ASPH: variants seen among roughly 807,000 people sequenced by gnomAD.
ASPH encodes the protein aspartate beta-hydroxylase, also known as aspartyl/asparaginyl beta-hydroxylase.
ASPH carries 100 observed loss-of-function variants against 118.4 expected under a neutral mutation model. That is an observed-to-expected ratio of 0.84 (90% confidence interval 0.72 to 1.00). The LOEUF is 1.00. Ranked by LOEUF, ASPH falls within the 50% of genes least tolerant of loss-of-function variation. ASPH has a pLI of 0.00. For missense variants in ASPH, 920 were observed against 919.5 expected (o/e 1.00, Z -0.01); for synonymous variants, 315 against 325.6 (o/e 0.97, Z 0.35).
Position 61,714,336 on chromosome 8 carries a change from G to GTTGCCGCTGCTC in ASPH, c.24_35dup (p.Lys8_Gly11dup), listed in dbSNP as rs746367911. 9.2e-6 allele frequency: 14 copies of GTTGCCGCTGCTC among 1,518,306 alleles called. No homozygotes were observed. The South Asian group carries it at 1.6e-4, about 17-fold the overall frequency. The allele number at this position is 1,518,306 out of a possible 1,614,324, so 94.1% of individuals were successfully genotyped here. ...CGCTGCCGGAGCCGCTGCTGCTGCT[G>GTTGCCGCTGCTC]TTGCCGCTGCTCTTGGCATTCTTAC... On this transcript the variant is annotated inframe_insertion, in exon 1 of 25. Transcript: ENST00000379454.
At chr8:61,556,751 T>C (rs1325531351) in intron 18 of ASPH, among the ~76,000 whole-genome samples, 2 of 152,198 alleles carry the variant, frequency 1.3e-5, no homozygotes, top group Non-Finnish European at 2.9e-5. Flanking sequence ...CAAACTAATT[T>C]ATGGAACAAA....
intron 17 of ASPH, among the ~76,000 whole-genome samples, chr8:61,563,582 GGA>G (rs991887074): frequency 4.1e-4 from 62 of 152,242 alleles, no homozygotes; most frequent in African/African-American, 1.4e-3. Context: ...CCACAATCTA[GGA>G]GAGTGATGGG....
chr8:61,707,367 T>C (rs1836949330), intron 1 of ASPH, among the ~76,000 whole-genome samples: 1 of 152,138 alleles, frequency 6.6e-6, no homozygotes, highest in Non-Finnish European at 1.5e-5. Context: ...TCACTAGTAA[T>C]TAGAAAAATG....
intron 3 of ASPH, among the ~76,000 whole-genome samples, chr8:61,669,643 G>A (rs1302975858): frequency 3.9e-5 from 6 of 152,062 alleles, no homozygotes; most frequent in Admixed American, 6.6e-5. Context: ...TTTTAAATAT[G>A]AGTAGTATCT....
intron 22 of ASPH, among the ~76,000 whole-genome samples, chr8:61,520,901 G>C (rs377307828): frequency 1.3e-5 from 2 of 152,232 alleles, no homozygotes; most frequent in East Asian, 3.8e-4. Flanking sequence ...TTGTGTCCCT[G>C]AGATTTTCAA....
intron 1 of ASPH, among the ~76,000 whole-genome samples, chr8:61,710,947 A>C (rs1837922122): frequency 6.6e-6 from 1 of 152,190 alleles, no homozygotes; most frequent in African/African-American, 2.4e-5. Context: ...GCAGTACAGG[A>C]ATATATTTCA....
intron 13 of ASPH, among the ~76,000 whole-genome samples, chr8:61,630,424 A>G (rs1855056244): frequency 6.6e-6 from 1 of 152,222 alleles, no homozygotes; most frequent in African/African-American, 2.4e-5. Flanking sequence ...GCACAAGTGA[A>G]TAATAAAAAA....
At chr8:61,628,699 C>T (rs961036826) in intron 13 of ASPH, among the ~76,000 whole-genome samples, 1 of 152,148 alleles carries the variant, frequency 6.6e-6, no homozygotes, top group African/African-American at 2.4e-5. Flanking sequence ...TGTCCCACCC[C>T]TCTGAAGCTG....
chr8:61,579,350 G>A (rs1836595852), intron 15 of ASPH: 3 of 1,614,172 alleles, frequency 1.9e-6, no homozygotes, highest in Non-Finnish European at 2.5e-6. Flanking sequence ...ACCAGGAGCT[G>A]ATGAACGTCA....
chr8:61,669,015 T>C (rs935144403), intron 3 of ASPH, among the ~76,000 whole-genome samples: 1 of 152,216 alleles, frequency 6.6e-6, no homozygotes, highest in African/African-American at 2.4e-5. Context: ...ATGCTATGTA[T>C]TGGCAAACTT....
rs561627923 is a variant in ASPH, at chr8:61,500,660, A to C, written c.*2699T>G. On this transcript the variant is annotated 3_prime_UTR_variant, in exon 25 of 25. Coordinates refer to ENST00000379454, the MANE Select transcript of ASPH (RefSeq NM_004318.4). ...ATAAAATAAACAGACATCATATATGATATCCTTACTTGTGCCATGTTTTCC... is the reference window on the plus strand; with the variant it reads ...ATAAAATAAACAGACATCATATATGCTATCCTTACTTGTGCCATGTTTTCC... 95 of 152,280 alleles carry C rather than the reference A, an allele frequency of 6.2e-4. No individual in the cohort carries two copies. The highest frequency in any genetic ancestry group is 2.2e-3 in the African/African-American group (92 of 41,534). 9.4% of individuals were successfully genotyped at this position (152,280 alleles called of 1,614,324 possible).
intron 24 of ASPH, among the ~76,000 whole-genome samples, chr8:61,505,186 T>G (rs542080239): frequency 6.6e-6 from 1 of 152,250 alleles, no homozygotes; most frequent in Non-Finnish European, 1.5e-5. Flanking sequence ...TATTTTCTCT[T>G]GCCGCCACCA....
At chr8:61,656,939 T>G (rs1361323056) in intron 3 of ASPH, 1 of 152,254 alleles carries the variant, frequency 6.6e-6, no homozygotes, top group African/African-American at 2.4e-5. Context: ...ACTTACTAAA[T>G]TGTATGTTGT....
chr8:61,585,678 G>A (rs1036015634), intron 14 of ASPH, among the ~76,000 whole-genome samples: 9 of 152,076 alleles, frequency 5.9e-5, no homozygotes, highest in Non-Finnish European at 1.2e-4. Context: ...TACTTGCCAC[G>A]CTCCCTCCCC....
intron 16 of ASPH, among the ~76,000 whole-genome samples, chr8:61,569,929 T>C (rs1343528428): frequency 2.0e-5 from 3 of 152,212 alleles, no homozygotes; most frequent in African/African-American, 4.8e-5. Flanking sequence ...TATCAGCTCC[T>C]TGTGAGTTTT....
chr8:61,598,556 C>A (rs1233529311), intron 14 of ASPH, among the ~76,000 whole-genome samples: 5 of 152,150 alleles, frequency 3.3e-5, no homozygotes, highest in African/African-American at 4.8e-5. Context: ...AAGTTCAACA[C>A]CCCACTCTGA....
chr8:61,526,161 G>A, intron 21 of ASPH, 49 bp from the exon 22 acceptor site: 1 of 1,609,226 alleles, frequency 6.2e-7, no homozygotes, highest in Non-Finnish European at 8.5e-7. Flanking sequence ...GCCTGGTGGA[G>A]CACCTCATAA....
At chr8:61,532,506 T>C (rs1817960399) in intron 21 of ASPH, among the ~76,000 whole-genome samples, 1 of 152,340 alleles carries the variant, frequency 6.6e-6, no homozygotes, top group South Asian at 2.1e-4. Context: ...ATTGTTTCTT[T>C]TGCTGTGCAG....
chr8:61,676,352 T>G (rs764033981), intron 3 of ASPH: 1 of 1,542,804 alleles, frequency 6.5e-7, no homozygotes, highest in South Asian at 1.2e-5. Flanking sequence ...AGAGAGAAAA[T>G]AAGGAGAGCA....
Sources: allele counts gnomAD v4.1 joint callset (sites outside exome capture counted in the v4.1 genomes callset), GRCh38; gene constraint gnomAD v4.1.1; transcripts MANE v1.5; gene names NCBI Gene and HGNC (gene_info 2026-07-23, HGNC 2026-07-21).